Variants in ASXL3 observed in about 807,000 individuals in gnomAD.
ASXL3 encodes putative Polycomb group protein ASXL3.
Under a neutral mutation model 170.6 loss-of-function variants are expected in ASXL3, and 34 were observed. That is an observed-to-expected ratio of 0.20 (90% CI 0.15 to 0.27). The LOEUF (loss-of-function observed/expected upper bound fraction) is 0.27. ASXL3 is among the 10% of genes least tolerant of loss of function. The probability of loss-of-function intolerance (pLI) is 1.00; values close to 1 mark genes in which losing one functional copy is unlikely to be tolerated. For missense variants in ASXL3, 2,592 were observed against 2,695.3 expected (o/e 0.96, Z 0.85); for synonymous variants, 1,002 against 989.1 (o/e 1.01, Z -0.24).
At position 33,578,458 on chromosome 18, in the gene ASXL3, C is replaced by CCCGCCG. The variant is rs552419485; in HGVS notation, c.-138_-133dup. The CCCGCCG allele has an allele frequency of 0.031, 2,929 of 94,154 alleles. 106 individuals are homozygous for CCCGCCG. Among genetic ancestry groups the CCCGCCG allele is most frequent in the African/African-American group, 0.083 (1,380 of 16,656 alleles). 5.8% of individuals were successfully genotyped at this position (94,154 alleles called of 1,614,324 possible). A position where few individuals can be genotyped will look rare whatever the true frequency, so the allele number is the denominator to read the frequency against. ...CCACCCCCTCGCTCCATCCCTCCCA[C>CCCGCCG]CCGCCGCCGCCGCCGCCGCCGCCGC... On this transcript the variant is annotated 5_prime_UTR_variant, in exon 1 of 12. Coordinates refer to ENST00000269197, the MANE Select transcript of ASXL3 (RefSeq NM_030632.3).
chr18:33,617,476 G>A (rs558521333), intron 2 of ASXL3, among the ~76,000 whole-genome samples: 5 of 152,286 alleles, frequency 3.3e-5, no homozygotes, highest in South Asian at 4.1e-4. Context: ...GGACAACAGA[G>A]TGAGACTCCA....
Position 33,747,213 on chromosome 18 carries a change from G to A in ASXL3, c.*618G>A, listed in dbSNP as rs954758361. The A allele has an allele frequency of 6.6e-6, 1 of 152,116 alleles. No individual in the cohort carries two copies. Among genetic ancestry groups the A allele is most frequent in the Admixed American group, 6.5e-5 (1 of 15,276 alleles). The allele number at this position is 152,116 out of a possible 1,614,324, so 9.4% of individuals were successfully genotyped here. A position where few individuals can be genotyped will look rare whatever the true frequency, so the allele number is the denominator to read the frequency against. ...CCTGTTGTACTTTCTCAGAGACTAT[G>A]GCAGAATATCTGGATCTTCCTTGGA... On this transcript the variant is annotated 3_prime_UTR_variant, in exon 12 of 12. Coordinates refer to ENST00000269197, the MANE Select transcript of ASXL3 (RefSeq NM_030632.3).
At chr18:33,673,650 ACCATGCC>A (rs2066382357) in intron 7 of ASXL3, among the ~76,000 whole-genome samples, 1 of 152,142 alleles carries the variant, frequency 6.6e-6, no homozygotes, top group Non-Finnish European at 1.5e-5. Flanking sequence ...GCAGTGGGCC[ACCATGCC>A]TGGCCCAGGA....
rs762423443 is a variant in ASXL3, at chr18:33,744,121, T to C, written c.4273T>C (p.Ser1425Pro). Reference sequence around the variant, plus strand: ...TACTGGAAACATGCTGACAATAAACTCTTATGATAGTCCTCCCAAGTTAAG... The same window carrying C: ...TACTGGAAACATGCTGACAATAAACCCTTATGATAGTCCTCCCAAGTTAAG... ...MFTGNMLTIN[S>P]YDSPPKLSAE... is the part of the protein sequence containing the mutation. Residue 1425 changes from serine to proline, a missense_variant, in exon 12 of 12, where the codon TCT (serine) becomes CCT (proline). Around this residue, in one of 4 missense-constraint regions of ASXL3, gnomAD observed 2,246 missense variants for 2,219.6 expected, o/e 1.01. Transcript: ENST00000269197. The C allele has an allele frequency of 3.1e-6, 5 of 1,613,974 alleles. No homozygotes were observed. The highest frequency in any genetic ancestry group is 3.3e-4 in the Middle Eastern group (2 of 6,062).
At chr18:33,707,993 G>C (rs986723226) in intron 8 of ASXL3, among the ~76,000 whole-genome samples, 1 of 152,052 alleles carries the variant, frequency 6.6e-6, no homozygotes, top group African/African-American at 2.4e-5. Flanking sequence ...ACATACACAT[G>C]CCCATGCATG....
At chr18:33,712,459 A>G (rs936952527) in intron 8 of ASXL3, among the ~76,000 whole-genome samples, 1 of 152,158 alleles carries the variant, frequency 6.6e-6, no homozygotes, top group African/African-American at 2.4e-5. Flanking sequence ...GTTATTGGGG[A>G]AGGAGCCAGT....
intron 8 of ASXL3, among the ~76,000 whole-genome samples, 180 bp from the exon 9 acceptor site, chr18:33,731,788 G>A (rs2067451311): frequency 6.6e-6 from 1 of 151,932 alleles, no homozygotes; most frequent in African/African-American, 2.4e-5. Context: ...CTCCTACCCT[G>A]CACATGCTCT....
intron 7 of ASXL3, among the ~76,000 whole-genome samples, chr18:33,676,277 C>T (rs1172886429): frequency 2.1e-5 from 3 of 142,758 alleles, no homozygotes; most frequent in Non-Finnish European, 3.0e-5. Flanking sequence ...CTGATGGTAA[C>T]CTCGACGTTC....
intron 2 of ASXL3, among the ~76,000 whole-genome samples, chr18:33,616,191 G>A (rs1471139815): frequency 6.6e-6 from 1 of 152,070 alleles, no homozygotes; most frequent in Non-Finnish European, 1.5e-5. Flanking sequence ...TATGTGAAAT[G>A]TTACCCAGCA....
At chr18:33,660,943 G>A (rs1410469800) in intron 4 of ASXL3, among the ~76,000 whole-genome samples, 1 of 152,162 alleles carries the variant, frequency 6.6e-6, no homozygotes, top group African/African-American at 2.4e-5. Flanking sequence ...CTAAAAAGCG[G>A]TCTTTTGGAA....
intron 1 of ASXL3, among the ~76,000 whole-genome samples, chr18:33,590,757 G>C (rs2065070534): frequency 6.6e-6 from 1 of 152,102 alleles, no homozygotes; most frequent in Non-Finnish European, 1.5e-5. Context: ...GAAGCTAGAA[G>C]TTACCATGGA....
At chr18:33,732,089 T>C in intron 9 of ASXL3, 25 bp downstream of exon 9, 1 of 1,580,182 alleles carries the variant, frequency 6.3e-7, no homozygotes, top group South Asian at 1.1e-5. Context: ...TCTATTATTA[T>C]GTGACATATT....
At chr18:33,645,026 T>A in intron 3 of ASXL3, 24 bp downstream of exon 3, 1 of 1,429,188 alleles carries the variant, frequency 7.0e-7, no homozygotes, top group Non-Finnish European at 9.5e-7. Flanking sequence ...TTCTGCATAT[T>A]GTTATTACTA....
rs1277846912 is a variant in ASXL3, at chr18:33,750,255, TGTC to T, written c.*3664_*3666del. 2.6e-5 allele frequency: 4 copies of T among 152,260 alleles called. No homozygotes were observed. Among genetic ancestry groups the T allele is most frequent in the African/African-American group, 7.2e-5 (3 of 41,470 alleles). 9.4% of individuals were successfully genotyped at this position (152,260 alleles called of 1,614,324 possible). A position where few individuals can be genotyped will look rare whatever the true frequency, so the allele number is the denominator to read the frequency against. ...AAAATGTTACTAAATATAAAATTCC[TGTC>T]GTCTTCAGTCTTCATGCTTTGTCAC... is the stretch of plus-strand genomic sequence containing the variant. On this transcript the variant is annotated 3_prime_UTR_variant, in exon 12 of 12. Coordinates refer to ENST00000269197, the MANE Select transcript of ASXL3 (RefSeq NM_030632.3).
In ASXL3 at chr18:33,732,011, A is replaced by G. The variant is rs2145396958; in HGVS notation, c.923A>G (p.Asn308Ser). 1 of 1,613,084 alleles carries G rather than the reference A, an allele frequency of 6.2e-7. No homozygotes were observed. Among genetic ancestry groups the G allele is most frequent in the Admixed American group, 1.7e-5 (1 of 59,758 alleles). The change falls in exon 9 of 12, where the codon AAT becomes AGT. Residue 308 changes from asparagine (N) to serine (S), a missense_variant. This residue lies in a region of ASXL3 where 73 missense variants were observed against 142.7 expected (regional missense o/e 0.51). Coordinates refer to ENST00000269197, the MANE Select transcript of ASXL3 (RefSeq NM_030632.3). ...TTACGCCTCAGTACTTCAGCTCTAA[A>G]TAATGAATTCTTTGCATATGCAGCA... The part of the protein sequence containing the change: ...GILRLSTSAL[N>S]NEFFAYAAQG...
At chr18:33,637,683 T>C (rs2065788981) in intron 2 of ASXL3, among the ~76,000 whole-genome samples, 1 of 152,154 alleles carries the variant, frequency 6.6e-6, no homozygotes, top group African/African-American at 2.4e-5. Context: ...TTTTTTGAGC[T>C]TGCAGGGGTG....
rs193069203 is a variant in ASXL3 at position 33,718,122 on chromosome 18, T to C, written c.880-13846T>C. Among the ~76,000 whole-genome samples the C allele has an allele frequency of 8.5e-5, 13 of 152,240 alleles. No homozygotes were observed. The East Asian group carries it at 2.5e-3, about 29-fold the overall frequency. On this transcript the variant is annotated intron_variant, in intron 8 of 11. Transcript: ENST00000269197. ...AGAGGCATCAAATACAACTAAATCATGGCAAAACGAGTTCCTTCAACATTA... is the reference window on the plus strand; with the variant it reads ...AGAGGCATCAAATACAACTAAATCACGGCAAAACGAGTTCCTTCAACATTA...
At chr18:33,713,163 G>T (rs750995235) in intron 8 of ASXL3, among the ~76,000 whole-genome samples, 28 of 149,294 alleles carry the variant, frequency 1.9e-4, no homozygotes, top group Non-Finnish European at 3.6e-4. Context: ...ACAAAATCAG[G>T]GTTTGTTACA....
rs775373899 is a variant in ASXL3 at position 33,744,525 on chromosome 18, C to G, written c.4677C>G (p.Leu1559=). ...SKTLPATCTS[L]RELPLVPDKL... is the part of the protein sequence containing the mutation. Reference sequence around the variant, plus strand: ...CATTGCCGGCCACCTGCACAAGTCTCCGAGAATTACCCCTTGTTCCAGATA... The same window carrying G: ...CATTGCCGGCCACCTGCACAAGTCTGCGAGAATTACCCCTTGTTCCAGATA... The change falls in exon 12 of 12, where the codon CTC becomes CTG. Residue 1559 remains leucine (L), a synonymous_variant. Coordinates refer to ENST00000269197, the MANE Select transcript of ASXL3 (RefSeq NM_030632.3). The G allele has an allele frequency of 6.2e-7, 1 of 1,612,188 alleles. No homozygotes were observed. The highest frequency in any genetic ancestry group is 8.5e-7 in the Non-Finnish European group (1 of 1,179,596).
Sources: gnomAD v4.1 joint callset for allele counts (sites outside exome capture counted in the v4.1 genomes callset) on GRCh38, gnomAD v4.1.1 for gene constraint, gnomAD v4.1.1 regional missense constraint, MANE v1.5 for transcripts, NCBI Gene and HGNC (gene_info 2026-07-23, HGNC 2026-07-21) for gene names.